The following L3MBTL4 variants were observed in gnomAD, a reference collection of about 807,000 sequenced individuals.
L3MBTL4 encodes lethal(3)malignant brain tumor-like protein 4.
In L3MBTL4, 70 loss-of-function variants were observed where a neutral mutation model predicts 84.5. That is an observed-to-expected ratio of 0.83 (90% CI 0.68 to 1.01). The LOEUF (loss-of-function observed/expected upper bound fraction) is 1.01. L3MBTL4 is among the 50% of genes least tolerant of loss of function. The probability of loss-of-function intolerance (pLI) is 0.00; values close to 1 mark genes in which losing one functional copy is unlikely to be tolerated. For missense variants in L3MBTL4, 715 were observed against 754.8 expected (o/e 0.95, Z 0.62); for synonymous variants, 274 against 259.8 (o/e 1.05, Z -0.52).
chr18:6,263,817 G>C (rs1352508187), intron 5 of L3MBTL4, 130 bp downstream of exon 5: 3 of 745,946 alleles, frequency 4.0e-6, no homozygotes, highest in Non-Finnish European at 7.1e-6. Context: ...TAGGTTTGTG[G>C]GGTCATTTTC....
In L3MBTL4 at chr18:6,352,373, C is replaced by T. The variant is rs2053240106; in HGVS notation, c.-90-40317G>A. ...TTAGAACAGTCCATTCCACAGAAGG[C>T]TCTCAATAAATTATAAATATTTACC... On this transcript the variant is annotated intron_variant, in intron 1 of 18. Transcript: ENST00000317931. 2.0e-5 allele frequency among the ~76,000 whole-genome samples: 3 copies of T among 152,206 alleles called. No homozygotes were observed. The South Asian group carries it at 6.2e-4, about 32-fold the overall frequency.
chr18:6,013,658 ATGCC>A (rs2054835471), intron 16 of L3MBTL4, among the ~76,000 whole-genome samples: 1 of 152,064 alleles, frequency 6.6e-6, no homozygotes, highest in Admixed American at 6.6e-5. Context: ...AGTACTGCAT[ATGCC>A]TGCCTTTCAG....
At chr18:6,243,001 A>G (rs567582172) in intron 7 of L3MBTL4, among the ~76,000 whole-genome samples, 1 of 152,322 alleles carries the variant, frequency 6.6e-6, no homozygotes, top group Non-Finnish European at 1.5e-5. Flanking sequence ...CACTGCTTAT[A>G]AGGTTTAATA....
intron 16 of L3MBTL4, among the ~76,000 whole-genome samples, chr18:5,974,918 C>A (rs917378044): frequency 6.7e-6 from 1 of 149,998 alleles, no homozygotes. Flanking sequence ...GAGTTATGAT[C>A]GCACCACTGC....
chr18:6,119,779 C>T (rs1460814872), intron 14 of L3MBTL4, among the ~76,000 whole-genome samples: 6 of 152,106 alleles, frequency 3.9e-5, no homozygotes, highest in Non-Finnish European at 7.4e-5. Context: ...CTCTGCAAGA[C>T]CTGTTGTCTC....
chr18:6,048,114 A>T (rs2056697816), intron 16 of L3MBTL4, among the ~76,000 whole-genome samples: 1 of 152,246 alleles, frequency 6.6e-6, no homozygotes, highest in Admixed American at 6.5e-5. Context: ...CACCAATAAC[A>T]TTCAAGCTGA....
intron 16 of L3MBTL4, among the ~76,000 whole-genome samples, chr18:6,014,849 GAAGA>G (rs1318445376): frequency 1.3e-5 from 2 of 152,184 alleles, no homozygotes; most frequent in Admixed American, 1.3e-4. Flanking sequence ...TGGGCAGTGT[GAAGA>G]AAGGATTAGT....
intron 1 of L3MBTL4, among the ~76,000 whole-genome samples, chr18:6,389,546 C>CT (rs1204182902): frequency 6.6e-6 from 1 of 152,114 alleles, no homozygotes; most frequent in Non-Finnish European, 1.5e-5. Flanking sequence ...TATCTGCTGT[C>CT]TTTAAGAGAC....
chr18:6,109,698 C>T (rs1245319686), intron 14 of L3MBTL4, among the ~76,000 whole-genome samples: 1 of 152,140 alleles, frequency 6.6e-6, no homozygotes, highest in Non-Finnish European at 1.5e-5. Context: ...CCCTTGGAAG[C>T]TGCCCGTGCA....
At chr18:6,386,443 C>T (rs1021560712) in intron 1 of L3MBTL4, among the ~76,000 whole-genome samples, 1 of 152,358 alleles carries the variant, frequency 6.6e-6, no homozygotes, top group African/African-American at 2.4e-5. Context: ...GCACTTACTA[C>T]ATGTGACGCA....
chr18:6,248,868 A>G (rs1248879713), intron 5 of L3MBTL4, among the ~76,000 whole-genome samples: 1 of 152,168 alleles, frequency 6.6e-6, no homozygotes. Context: ...TTTTTTATAT[A>G]AGCATGGAAT....
chr18:6,202,843 G>T (rs1445734208), intron 12 of L3MBTL4, among the ~76,000 whole-genome samples: 2 of 152,158 alleles, frequency 1.3e-5, no homozygotes, highest in African/African-American at 2.4e-5. Context: ...GATGTCAAAA[G>T]TACCAGTTAC....
At chr18:6,060,278 C>T (rs1462696350) in intron 16 of L3MBTL4, among the ~76,000 whole-genome samples, 3 of 152,072 alleles carry the variant, frequency 2.0e-5, no homozygotes, top group Non-Finnish European at 4.4e-5. Flanking sequence ...AATTCCTTTC[C>T]TCTCCCCGCT....
chr18:6,128,414 A>G (rs1335813217), intron 14 of L3MBTL4, among the ~76,000 whole-genome samples: 1 of 152,172 alleles, frequency 6.6e-6, no homozygotes, highest in East Asian at 1.9e-4. Flanking sequence ...CAAAAGGCCA[A>G]TTTCAAGTCA....
At chr18:6,366,575 A>T (rs2053944235) in intron 1 of L3MBTL4, among the ~76,000 whole-genome samples, 1 of 152,262 alleles carries the variant, frequency 6.6e-6, no homozygotes, top group Non-Finnish European at 1.5e-5. Context: ...GAATATCTAT[A>T]CAAGGAATTG....
At chr18:6,061,445 C>T (rs372894368) in intron 16 of L3MBTL4, among the ~76,000 whole-genome samples, 3,461 of 151,892 alleles carry the variant, frequency 0.023, 132 homozygotes, top group African/African-American at 0.08. Flanking sequence ...TCATTTTTTT[C>T]ATTTGCTTAA....
At position 6,093,454 on chromosome 18, in the gene L3MBTL4, G is replaced by GT. The variant is rs1196809904; in HGVS notation, c.1273dup (p.Thr425AsnfsTer19). 1 of 1,613,884 alleles carries GT rather than the reference G, an allele frequency of 6.2e-7. No homozygotes were observed. Among genetic ancestry groups the GT allele is most frequent in the African/African-American group, 1.3e-5 (1 of 74,900 alleles). ...AGAGTCTGATTCCAAATTTGCCTGT[G>GT]TTTGTTCTCTCAAACGATCGTGAAG... On this transcript the variant is annotated frameshift_variant, in exon 15 of 19. Coordinates refer to ENST00000317931, the MANE Select transcript of L3MBTL4 (RefSeq NM_001330559.2). LOFTEE classifies it high-confidence loss of function.
chr18:6,168,415 T>C (rs981647475), intron 13 of L3MBTL4, among the ~76,000 whole-genome samples: 2 of 151,734 alleles, frequency 1.3e-5, no homozygotes, highest in African/African-American at 4.8e-5. Context: ...TCACACTACC[T>C]GACTTCAAAC....
chr18:6,252,750 C>CA (rs1337307995), intron 5 of L3MBTL4, among the ~76,000 whole-genome samples: 2 of 152,102 alleles, frequency 1.3e-5, no homozygotes, highest in Non-Finnish European at 1.5e-5. Flanking sequence ...GCAAAAGATG[C>CA]AAAAAATATT....
Sources: gnomAD v4.1 joint callset for allele counts (sites outside exome capture counted in the v4.1 genomes callset) on GRCh38, gnomAD v4.1.1 for gene constraint, MANE v1.5 for transcripts, NCBI Gene and HGNC (gene_info 2026-07-23, HGNC 2026-07-21) for gene names.